POP1: variants seen among roughly 807,000 people sequenced by gnomAD.
The protein encoded by POP1 is ribonucleases P/MRP protein subunit POP1.
In POP1, 75 loss-of-function variants were observed where a neutral mutation model predicts 102.2. That is an observed-to-expected ratio of 0.73 (90% CI 0.61 to 0.89). The LOEUF (loss-of-function observed/expected upper bound fraction) is 0.89, where lower values mean the gene tolerates loss of function less well. Ranked by LOEUF, POP1 falls within the 40% of genes least tolerant of loss-of-function variation. The pLI is 0.00. For synonymous variants in POP1, 436 were observed against 464.1 expected, an observed-to-expected ratio of 0.94 and a Z score of 0.78; for missense variants, 1,116 against 1,267.4, an observed-to-expected ratio of 0.88 and a Z score of 1.81.
In POP1 at chr8:98,157,630, C is replaced by T. The variant is rs780765549; in HGVS notation, c.2434C>T (p.Leu812=). ...HLCVLRSRKL[L]KQLSAWCGPS... ...AACTTCATGTAGGAGTAGAAAATTA[C>T]TGAAGCAACTGTCAGCCTGGTGTGG... Residue 812 remains leucine, a synonymous_variant, in exon 16 of 16, where the codon CTG becomes TTG. Coordinates refer to ENST00000401707, the MANE Select transcript of POP1 (RefSeq NM_001145860.2). 3 of 1,614,190 alleles carry T rather than the reference C, an allele frequency of 1.9e-6. No individual in the cohort carries two copies. Among genetic ancestry groups the T allele is most frequent in the Non-Finnish European group, 2.5e-6 (3 of 1,180,046 alleles).
At chr8:98,154,064 G>GGAGA (rs1169821958) in intron 14 of POP1, among the ~76,000 whole-genome samples, 6 of 152,194 alleles carry the variant, frequency 3.9e-5, no homozygotes, top group Non-Finnish European at 5.9e-5. Context: ...AGTAAGAAGG[G>GGAGA]GAGAGAGGCT....
intron 14 of POP1, among the ~76,000 whole-genome samples, chr8:98,152,983 AT>A (rs2130630280): frequency 6.7e-6 from 1 of 148,198 alleles, no homozygotes; most frequent in South Asian, 2.1e-4. Context: ...TTCTTCTTTT[AT>A]TTTTTGAGAC....
rs146339637 is a variant in POP1, at chr8:98,130,035, C to T, written c.544C>T (p.Arg182Ter). 5.0e-6 allele frequency: 8 copies of T among 1,613,912 alleles called. No homozygotes were observed. The highest frequency in any genetic ancestry group is 1.3e-5 in the African/African-American group (1 of 75,000). ...EHSKNKCHKARRCHMNRTLEF... is the reference protein window; with the variant it reads ...EHSKNKCHKA ...TTCAAAAAATAAATGCCATAAAGCT[C>T]GAAGATGTCACATGAACCGGACGCT... The change falls in exon 5 of 16, where the codon CGA (arginine) becomes TGA (stop). Residue 182 changes from arginine (R) to a stop codon, truncating the protein, a stop_gained. Transcript: ENST00000401707. LOFTEE classifies it high-confidence loss of function.
intron 1 of POP1, among the ~76,000 whole-genome samples, chr8:98,120,764 A>G (rs1395221539): frequency 2.0e-5 from 3 of 151,346 alleles, no homozygotes; most frequent in Admixed American, 1.3e-4. Context: ...CTCCTGCCTC[A>G]GCCTCCCGAG....
At position 98,136,742 on chromosome 8, in the gene POP1, T is replaced by G. The variant is rs1163998015; in HGVS notation, c.1268+4T>G. Reference sequence around the variant, plus strand: ...CAACCACAGGCATTATAATCAGGTATGAGTTGAATTTGCTTTGAACCTACT... The same window carrying G: ...CAACCACAGGCATTATAATCAGGTAGGAGTTGAATTTGCTTTGAACCTACT... On this transcript the variant is annotated splice_donor_region_variant and intron_variant, in intron 8 of 15. Transcript: ENST00000401707. 6 of 1,614,006 alleles carry G rather than the reference T, an allele frequency of 3.7e-6. No individual in the cohort carries two copies. Among genetic ancestry groups the G allele is most frequent in the South Asian group, 3.3e-5 (3 of 91,090 alleles).
Position 98,150,634 on chromosome 8 carries a change from C to T in POP1, c.2052C>T (p.Tyr684=), listed in dbSNP as rs1368868058. 3 of 1,613,924 alleles carry T rather than the reference C, an allele frequency of 1.9e-6. No individual in the cohort carries two copies. Among genetic ancestry groups the T allele is most frequent in the Non-Finnish European group, 2.5e-6 (3 of 1,180,000 alleles). ...EEQAKNLLEK[Y]KRRPPAKRPN... ...AAGCTAAGAATCTTCTTGAAAAGTACAAAAGGTAAGAAACTGGCTTCTCTA... is the reference window on the plus strand; with the variant it reads ...AAGCTAAGAATCTTCTTGAAAAGTATAAAAGGTAAGAAACTGGCTTCTCTA... The change falls in exon 14 of 16, where the codon TAC becomes TAT. Residue 684 remains tyrosine (Y), a synonymous_variant. Transcript: ENST00000401707.
At chr8:98,142,778 C>G (rs953262462) in intron 11 of POP1, among the ~76,000 whole-genome samples, 2 of 152,114 alleles carry the variant, frequency 1.3e-5, no homozygotes, top group African/African-American at 2.4e-5. Flanking sequence ...GGATAGCTGC[C>G]TTTAGAGTGA....
Position 98,150,468 on chromosome 8 carries a change from T to TTAGA in POP1, c.1903-16_1903-15insAGAT. ...TAAGTTGGTAGACTGACAGTATCTT[T>TTAGA]TTGACATTTCTTTTAGATTTATCGA... On this transcript the variant is annotated splice_polypyrimidine_tract_variant and intron_variant, in intron 13 of 15. Coordinates refer to ENST00000401707, the MANE Select transcript of POP1 (RefSeq NM_001145860.2). 6.2e-7 allele frequency: 1 copy of TTAGA among 1,613,728 alleles called. No individual in the cohort carries two copies. Among genetic ancestry groups the TTAGA allele is most frequent in the Non-Finnish European group, 8.5e-7 (1 of 1,179,980 alleles).
chr8:98,128,717 A>G (rs1816288281), intron 4 of POP1, among the ~76,000 whole-genome samples, 177 bp downstream of exon 4: 1 of 152,172 alleles, frequency 6.6e-6, no homozygotes, highest in African/African-American at 2.4e-5. Flanking sequence ...CCAGGAGTTC[A>G]AGACCAGCCT....
Position 98,159,285 on chromosome 8 carries a change from A to T in POP1, c.*1014A>T, listed in dbSNP as rs1280613907. ...CGCGCTTTGGGCAGTGTGGCTGTGT[A>T]GTGCATAGCTACCTCTGCAAGGTGA... On this transcript the variant is annotated 3_prime_UTR_variant, in exon 16 of 16. Transcript: ENST00000401707. 1 of 152,216 alleles carries T rather than the reference A, an allele frequency of 6.6e-6. No homozygotes were observed. Among genetic ancestry groups the T allele is most frequent in the African/African-American group, 2.4e-5 (1 of 41,454 alleles). 9.4% of individuals were successfully genotyped at this position (152,216 alleles called of 1,614,324 possible).
intron 5 of POP1, among the ~76,000 whole-genome samples, chr8:98,131,091 G>A (rs1007235506): frequency 6.6e-6 from 1 of 152,154 alleles, no homozygotes; most frequent in Non-Finnish European, 1.5e-5. Flanking sequence ...AGCAATACAA[G>A]AATCTTTTTA....
chr8:98,159,352 C>A lies in POP1; in HGVS notation c.*1081C>A, dbSNP rs182503719. 6.6e-6 allele frequency: 1 copy of A among 152,288 alleles called. No individual in the cohort carries two copies. Among genetic ancestry groups the A allele is most frequent in the African/African-American group, 2.4e-5 (1 of 41,552 alleles). The allele number at this position is 152,288 out of a possible 1,614,324, so 9.4% of individuals were successfully genotyped here. A position where few individuals can be genotyped will look rare whatever the true frequency, so the allele number is the denominator to read the frequency against. ...CTGCCTTTCAACACTCATGCAGTCACGTTGTCCACCTGAGATTCTCAACAG... is the reference window on the plus strand; with the variant it reads ...CTGCCTTTCAACACTCATGCAGTCAAGTTGTCCACCTGAGATTCTCAACAG... On this transcript the variant is annotated 3_prime_UTR_variant, in exon 16 of 16. Coordinates refer to ENST00000401707, the MANE Select transcript of POP1 (RefSeq NM_001145860.2).
intron 1 of POP1, among the ~76,000 whole-genome samples, chr8:98,121,024 C>T (rs1816003537): frequency 6.6e-6 from 1 of 152,154 alleles, no homozygotes; most frequent in African/African-American, 2.4e-5. Context: ...CTCAAGTGAT[C>T]CACTCGCCTT....
At position 98,136,122 on chromosome 8, in the gene POP1, C is replaced by T. The variant is rs541012887; in HGVS notation, c.1012-360C>T. On this transcript the variant is annotated intron_variant, in intron 7 of 15. Coordinates refer to ENST00000401707, the MANE Select transcript of POP1 (RefSeq NM_001145860.2). The stretch of plus-strand genomic sequence containing the variant: ...TTGAGACGGAGTCTTGCTCTGTTGC[C>T]CGGGCTGGAGTGCGATGGCACGATC... 2.0e-5 allele frequency among the ~76,000 whole-genome samples: 3 copies of T among 150,878 alleles called. 1 individual carries two copies. The South Asian group carries it at 6.3e-4, about 32-fold the overall frequency.
At position 98,148,884 on chromosome 8, in the gene POP1, A is replaced by G; in HGVS notation, c.1780A>G (p.Lys594Glu). 1 of 1,614,008 alleles carries G rather than the reference A, an allele frequency of 6.2e-7. No individual in the cohort carries two copies. Among genetic ancestry groups the G allele is most frequent in the Non-Finnish European group, 8.5e-7 (1 of 1,179,966 alleles). The part of the protein sequence containing the change: ...SQLILGPHES[K>E]IPILLIQQPG... ...GCTTATTTTAGGTCCCCATGAATCC[A>G]AGATACCTATACTTTTGATTCAGCA... Residue 594 changes from lysine to glutamate, a missense_variant, in exon 13 of 16, where the codon AAG becomes GAG. Lys to Glu is a moderately conservative substitution (Grantham distance 56). Transcript: ENST00000401707.
chr8:98,134,062 TA>T, intron 6 of POP1, 26 bp downstream of exon 6: 1 of 1,470,464 alleles, frequency 6.8e-7, no homozygotes, highest in Non-Finnish European at 9.5e-7. Context: ...AGCTGAGTTC[TA>T]TTTTAGTCTA....
rs1586254133 is a variant in POP1, at chr8:98,156,071, C to T, written c.2079C>T (p.Pro693=). The T allele has an allele frequency of 6.2e-7, 1 of 1,613,788 alleles. No individual in the cohort carries two copies. The highest frequency in any genetic ancestry group is 8.5e-7 in the Non-Finnish European group (1 of 1,180,010). The change falls in exon 15 of 16, where the codon CCC becomes CCT. Residue 693 remains proline, a synonymous_variant. Transcript: ENST00000401707. The stretch of plus-strand genomic sequence containing the variant: ...TTAGACGCCCTCCTGCAAAACGGCC[C>T]AACTACGTTAAGCTTGGCACTCTGG... The part of the protein sequence containing the change: ...KYKRRPPAKR[P]NYVKLGTLAP...
At chr8:98,152,816 C>T (rs1286964421) in intron 14 of POP1, among the ~76,000 whole-genome samples, 1 of 152,184 alleles carries the variant, frequency 6.6e-6, no homozygotes, top group African/African-American at 2.4e-5. Context: ...TTTCTGTGAA[C>T]ATCTTCCTGT....
intron 11 of POP1, 104 bp from the exon 12 acceptor site, chr8:98,146,464 C>A (rs1816844911): frequency 8.4e-6 from 7 of 830,836 alleles, no homozygotes; most frequent in Non-Finnish European, 1.5e-5. Flanking sequence ...AAGTAAATGC[C>A]TATGAAATAT....
Sources: allele counts gnomAD v4.1 joint callset (sites outside exome capture counted in the v4.1 genomes callset), GRCh38; gene constraint gnomAD v4.1.1; transcripts MANE v1.5; gene names NCBI Gene and HGNC (gene_info 2026-07-23, HGNC 2026-07-21).